Variants in AUTS2 observed in about 807,000 individuals in gnomAD.
AUTS2 encodes the protein activator of transcription and developmental regulator AUTS2.
Under a neutral mutation model 112.4 loss-of-function variants are expected in AUTS2, and 17 were observed. That is an observed-to-expected ratio of 0.15 (90% CI 0.10 to 0.23). AUTS2 has a LOEUF of 0.23. Ranked by LOEUF, AUTS2 falls within the 10% of genes least tolerant of loss-of-function variation. AUTS2 has a pLI of 1.00. For missense variants in AUTS2, 1,510 were observed against 1,701.6 expected, an observed-to-expected ratio of 0.89 and a Z score of 1.98; for synonymous variants, 751 against 702.7, an observed-to-expected ratio of 1.07 and a Z score of -1.09.
rs536460467 is a variant in AUTS2 at position 70,345,410 on chromosome 7, CTT to C, written c.661-90340_661-90339del. Among the ~76,000 whole-genome samples, 225 of 152,198 alleles carry C rather than the reference CTT, an allele frequency of 1.5e-3. 1 individual carries two copies. Among genetic ancestry groups the C allele is most frequent in the African/African-American group, 4.6e-3 (189 of 41,518 alleles). ...GCATTCTTCTCTTTAGTGTTAATTT[CTT>C]TGATGGTGGTACCACTTTCCAACTT... On this transcript the variant is annotated intron_variant, in intron 4 of 18. Coordinates refer to ENST00000342771, the MANE Select transcript of AUTS2 (RefSeq NM_015570.4).
intron 5 of AUTS2, among the ~76,000 whole-genome samples, chr7:70,505,187 T>C (rs1798915875): frequency 6.6e-6 from 1 of 152,214 alleles, no homozygotes. Flanking sequence ...TTCATTAGCC[T>C]CAGGGAGGTT....
chr7:69,642,131 A>T (rs1583993019), intron 1 of AUTS2, among the ~76,000 whole-genome samples: 1 of 152,208 alleles, frequency 6.6e-6, no homozygotes, highest in African/African-American at 2.4e-5. Flanking sequence ...TCACTTCCAT[A>T]GAGGTTTAAA....
At chr7:70,464,810 G>C (rs1166470329) in intron 5 of AUTS2, among the ~76,000 whole-genome samples, 1 of 152,190 alleles carries the variant, frequency 6.6e-6, no homozygotes, top group Non-Finnish European at 1.5e-5. Flanking sequence ...CAGGGTCTTG[G>C]ATACCAGGAT....
intron 1 of AUTS2, among the ~76,000 whole-genome samples, chr7:69,809,579 C>T (rs1790456758): frequency 6.6e-6 from 1 of 152,186 alleles, no homozygotes; most frequent in Admixed American, 6.5e-5. Context: ...ATGCTCAGAA[C>T]CTGGGGGCTC....
intron 5 of AUTS2, among the ~76,000 whole-genome samples, chr7:70,608,676 G>A (rs1210807240): frequency 6.6e-6 from 1 of 152,208 alleles, no homozygotes; most frequent in Admixed American, 6.5e-5. Flanking sequence ...TGTGGGATTG[G>A]GAACCTCTGG....
chr7:70,387,180 C>T (rs1793651000), intron 4 of AUTS2, among the ~76,000 whole-genome samples: 1 of 152,182 alleles, frequency 6.6e-6, no homozygotes, highest in African/African-American at 2.4e-5. Context: ...ACAGTTTGCT[C>T]TCTCTGTTGG....
intron 1 of AUTS2, among the ~76,000 whole-genome samples, chr7:69,605,148 A>G (rs946907750): frequency 6.6e-6 from 1 of 152,210 alleles, no homozygotes; most frequent in East Asian, 1.9e-4. Context: ...CCAGTATGGG[A>G]AATACTAGAA....
chr7:70,216,649 T>G (rs1811178894), intron 4 of AUTS2, among the ~76,000 whole-genome samples: 1 of 152,188 alleles, frequency 6.6e-6, no homozygotes, highest in Admixed American at 6.5e-5. Context: ...TACACCAGCT[T>G]CCTTGCTTCT....
chr7:69,942,533 C>CT (rs912153484), intron 2 of AUTS2, among the ~76,000 whole-genome samples: 2 of 151,994 alleles, frequency 1.3e-5, no homozygotes. Flanking sequence ...TCTATGGTGA[C>CT]TTTTTTTTCT....
At chr7:70,296,456 C>T (rs1788938626) in intron 4 of AUTS2, among the ~76,000 whole-genome samples, 1 of 152,140 alleles carries the variant, frequency 6.6e-6, no homozygotes, top group South Asian at 2.1e-4. Flanking sequence ...TTATGTATTT[C>T]CTTTGAGTAG....
intron 1 of AUTS2, among the ~76,000 whole-genome samples, chr7:69,744,987 A>T (rs1273863880): frequency 6.6e-6 from 1 of 152,206 alleles, no homozygotes; most frequent in Non-Finnish European, 1.5e-5. Context: ...AAAGTGCTGC[A>T]GTCCATTTGG....
chr7:70,557,679 T>G (rs1268732176), intron 5 of AUTS2, among the ~76,000 whole-genome samples: 1 of 152,236 alleles, frequency 6.6e-6, no homozygotes, highest in African/African-American at 2.4e-5. Context: ...TTTGTGCAGA[T>G]GGCAGCTACT....
chr7:70,667,091 G>A (rs1180245492), intron 5 of AUTS2, among the ~76,000 whole-genome samples: 1 of 151,992 alleles, frequency 6.6e-6, no homozygotes, highest in Non-Finnish European at 1.5e-5. Context: ...TGTTCGGCAA[G>A]CATTAAAAGG....
At chr7:70,698,869 G>A in intron 6 of AUTS2, 1 of 354,218 alleles carries the variant, frequency 2.8e-6, no homozygotes, top group Non-Finnish European at 5.1e-6. Flanking sequence ...ACTACTATGT[G>A]ACTTTAATAT....
intron 3 of AUTS2, among the ~76,000 whole-genome samples, chr7:70,132,546 G>A (rs1806333917): frequency 6.6e-6 from 1 of 152,174 alleles, no homozygotes; most frequent in Non-Finnish European, 1.5e-5. Flanking sequence ...AATTAAATAA[G>A]TAATTTGATG....
intron 5 of AUTS2, among the ~76,000 whole-genome samples, chr7:70,658,304 G>A (rs541829859): frequency 6.6e-6 from 1 of 152,282 alleles, no homozygotes; most frequent in South Asian, 2.1e-4. Flanking sequence ...CACTAGGGGT[G>A]CCTGTGCTAA....
chr7:70,072,830 A>C (rs1442834805), intron 2 of AUTS2, among the ~76,000 whole-genome samples: 1 of 152,216 alleles, frequency 6.6e-6, no homozygotes, highest in Non-Finnish European at 1.5e-5. Context: ...TTTGAGGATG[A>C]GAAAGACAAA....
chr7:70,266,006 G>A (rs1252787430), intron 4 of AUTS2, among the ~76,000 whole-genome samples: 1 of 152,160 alleles, frequency 6.6e-6, no homozygotes, highest in African/African-American at 2.4e-5. Context: ...TGTACAACCT[G>A]CAAAGCTGTA....
intron 4 of AUTS2, among the ~76,000 whole-genome samples, chr7:70,379,669 A>G (rs1273954489): frequency 6.6e-6 from 1 of 152,196 alleles, no homozygotes; most frequent in Non-Finnish European, 1.5e-5. Flanking sequence ...GAAAATTAGT[A>G]AACTGTCAAC....
Sources: gnomAD v4.1 joint callset for allele counts (sites outside exome capture counted in the v4.1 genomes callset) on GRCh38, gnomAD v4.1.1 for gene constraint, MANE v1.5 for transcripts, NCBI Gene and HGNC (gene_info 2026-07-23, HGNC 2026-07-21) for gene names.